Variants in ANK3 observed in about 807,000 individuals in gnomAD.
ANK3 encodes ankyrin-3.
A neutral mutation model predicts 370.9 loss-of-function variants in ANK3; 57 were observed. That is an observed-to-expected ratio of 0.15 (90% CI 0.12 to 0.19). The LOEUF (loss-of-function observed/expected upper bound fraction) is 0.19, where lower values mean the gene tolerates loss of function less well. ANK3 is among the 10% of genes least tolerant of loss of function. The pLI, the probability that ANK3 is intolerant of heterozygous loss-of-function variation, is 1.00. For missense variants in ANK3, 4,439 were observed against 5,302.1 expected, an observed-to-expected ratio of 0.84 and a Z score of 5.06; for synonymous variants, 1,929 against 1,946.3, an observed-to-expected ratio of 0.99 and a Z score of 0.23.
chr10:60,607,902 T>C (rs10761528), intron 2 of ANK3, among the ~76,000 whole-genome samples: 108,513 of 152,056 alleles, frequency 0.71, 38,803 homozygotes, highest in South Asian at 0.89. Flanking sequence ...CTACCTAATG[T>C]CGTTATCAGC....
intron 2 of ANK3, among the ~76,000 whole-genome samples, chr10:60,530,943 C>T (rs1425321628): frequency 6.6e-6 from 1 of 152,120 alleles, no homozygotes; most frequent in Non-Finnish European, 1.5e-5. Context: ...CCCTTCCTTA[C>T]ACAAGAGAAC....
At chr10:60,316,591 A>T (rs1303396795) in intron 1 of ANK3, among the ~76,000 whole-genome samples, 1 of 152,250 alleles carries the variant, frequency 6.6e-6, no homozygotes, top group Non-Finnish European at 1.5e-5. Flanking sequence ...GTAGGCACTC[A>T]ACAAATATTA....
chr10:60,084,583 G>A lies in ANK3; in HGVS notation c.4074+19C>T, dbSNP rs772772748. On this transcript the variant is annotated intron_variant, in intron 32 of 43. Transcript: ENST00000280772. ...CTGGAGTACGTAATGAAATGAACTT[G>A]TTTTTGTGAACAAGGTACCTCAATA... 13 of 1,601,564 alleles carry A rather than the reference G, an allele frequency of 8.1e-6. No homozygotes were observed. In the Admixed American group the frequency reaches 1.2e-4, roughly 14 times the overall value.
At chr10:60,080,288 G>A (rs1392194158) in intron 36 of ANK3, among the ~76,000 whole-genome samples, 1 of 152,102 alleles carries the variant, frequency 6.6e-6, no homozygotes, top group Non-Finnish European at 1.5e-5. Context: ...TAAAAGAAAA[G>A]TAATACATGT....
intron 13 of ANK3, among the ~76,000 whole-genome samples, 175 bp downstream of exon 13, chr10:60,199,954 C>A (rs2132415020): frequency 6.6e-6 from 1 of 152,240 alleles, no homozygotes; most frequent in South Asian, 2.1e-4. Context: ...ATAGAATGAA[C>A]AAATGTGCAG....
intron 7 of ANK3, among the ~76,000 whole-genome samples, chr10:60,246,052 T>A (rs1050882835): frequency 6.6e-6 from 1 of 151,878 alleles, no homozygotes; most frequent in African/African-American, 2.4e-5. Context: ...GGCCAGGAGT[T>A]CAAGACCAGC....
At position 60,198,550 on chromosome 10, in the gene ANK3, G is replaced by A; in HGVS notation, c.1492-13C>T. ...GTGTTTGGTCATCCTAAACAGCAAG[G>A]TAGAAATGTAAGGCTGATGAGCTGA... On this transcript the variant is annotated splice_polypyrimidine_tract_variant and intron_variant, in intron 13 of 43. Transcript: ENST00000280772. The A allele has an allele frequency of 6.2e-7, 1 of 1,612,900 alleles. No individual in the cohort carries two copies. The highest frequency in any genetic ancestry group is 1.1e-5 in the South Asian group (1 of 91,062).
At chr10:60,613,518 G>A (rs139991861) in intron 2 of ANK3, among the ~76,000 whole-genome samples, 2 of 152,236 alleles carry the variant, frequency 1.3e-5, no homozygotes, top group Non-Finnish European at 2.9e-5. Flanking sequence ...ACTTTGATAG[G>A]TAGAACATAT....
At chr10:60,409,309 A>T (rs965585300) in intron 2 of ANK3, among the ~76,000 whole-genome samples, 8 of 152,196 alleles carry the variant, frequency 5.3e-5, no homozygotes, top group African/African-American at 1.9e-4. Flanking sequence ...AATAGCATTA[A>T]TTTCACCTTT....
intron 2 of ANK3, among the ~76,000 whole-genome samples, chr10:60,482,494 C>T (rs1257846509): frequency 1.4e-5 from 2 of 141,610 alleles, no homozygotes; most frequent in African/African-American, 2.6e-5. Flanking sequence ...TCTCTAACAA[C>T]ATTTTTTTTT....
intron 1 of ANK3, among the ~76,000 whole-genome samples, chr10:60,312,978 T>C (rs10761479): frequency 0.6 from 91,419 of 151,406 alleles, 27,816 homozygotes; most frequent in South Asian, 0.78. Flanking sequence ...ACTGAAGACA[T>C]CTGAGGCCTC....
intron 27 of ANK3, among the ~76,000 whole-genome samples, chr10:60,108,002 C>T (rs1590101775): frequency 6.6e-6 from 1 of 152,036 alleles, no homozygotes; most frequent in East Asian, 1.9e-4. Flanking sequence ...AGCGGTGCTA[C>T]ATTAAGTCAA....
chr10:60,387,456 A>G (rs1267669550), intron 1 of ANK3, among the ~76,000 whole-genome samples: 1 of 152,070 alleles, frequency 6.6e-6, no homozygotes, highest in Non-Finnish European at 1.5e-5. Flanking sequence ...CAAGTAGTAT[A>G]TGAAATAATT....
At chr10:60,066,405 T>C (rs2081640457) in intron 38 of ANK3, among the ~76,000 whole-genome samples, 1 of 152,196 alleles carries the variant, frequency 6.6e-6, no homozygotes, top group Non-Finnish European at 1.5e-5. Context: ...ATGTCCAATG[T>C]TAAAATATAA....
chr10:60,647,513 T>A (rs2078724635), intron 1 of ANK3, among the ~76,000 whole-genome samples: 2 of 151,954 alleles, frequency 1.3e-5, no homozygotes, highest in South Asian at 2.1e-4. Flanking sequence ...TAAAATGCCC[T>A]ATAACAAAAT....
At chr10:60,210,940 C>A (rs190217910) in intron 9 of ANK3, among the ~76,000 whole-genome samples, 1 of 152,080 alleles carries the variant, frequency 6.6e-6, no homozygotes, top group Non-Finnish European at 1.5e-5. Flanking sequence ...TGTAAATCCC[C>A]CCACAATAAC....
intron 2 of ANK3, among the ~76,000 whole-genome samples, chr10:60,429,737 C>G (rs77845949): frequency 0.094 from 14,310 of 152,192 alleles, 801 homozygotes; most frequent in South Asian, 0.16. Context: ...ATTCCCTGTC[C>G]TACTTTCATC....
chr10:60,676,984 A>T (rs1323003273), intron 1 of ANK3, among the ~76,000 whole-genome samples: 1 of 152,242 alleles, frequency 6.6e-6, no homozygotes, highest in Non-Finnish European at 1.5e-5. Context: ...CTATGTATGT[A>T]TCAAAATACC....
At chr10:60,235,114 A>G (rs929550377) in intron 7 of ANK3, among the ~76,000 whole-genome samples, 3 of 152,222 alleles carry the variant, frequency 2.0e-5, no homozygotes, top group Middle Eastern at 3.2e-3. Context: ...TGAGTGATAC[A>G]TACTGGCTAG....
Sources: gnomAD v4.1 joint callset for allele counts (sites outside exome capture counted in the v4.1 genomes callset) on GRCh38, gnomAD v4.1.1 for gene constraint, MANE v1.5 for transcripts, NCBI Gene and HGNC (gene_info 2026-07-23, HGNC 2026-07-21) for gene names.